Variants in SLCO1A2 observed in about 807,000 individuals in gnomAD.
SLCO1A2 encodes solute carrier organic anion transporter family member 1A2.
Under a neutral mutation model 69.0 loss-of-function variants are expected in SLCO1A2, and 67 were observed. That is an observed-to-expected ratio of 0.97 (90% CI 0.80 to 1.19). SLCO1A2 has a LOEUF of 1.19. Among genes scored for constraint, SLCO1A2 ranks in the 50% most tolerant of loss-of-function variants. The pLI is 0.00. For missense variants in SLCO1A2, 787 were observed against 793.7 expected (o/e 0.99, Z 0.10); for synonymous variants, 260 against 265.9 (o/e 0.98, Z 0.22).
chr12:21,269,656 T>G lies in SLCO1A2; in HGVS notation c.1905A>C (p.Ser635=), dbSNP rs1942431817. 6.2e-7 allele frequency: 1 copy of G among 1,612,782 alleles called. No individual in the cohort carries two copies. The highest frequency in any genetic ancestry group is 1.7e-4 in the Middle Eastern group (1 of 6,052). ...CTTTTGTCTCTATAAGCTCTGTTCC[T>G]GAAGAGGCATTTTCACCAGGTAGAT... The part of the protein sequence containing the change: ...KCHLPGENAS[S]GTELIETKVK... The change falls in exon 15 of 15, where the codon TCA becomes TCC. Residue 635 remains serine, a synonymous_variant. Transcript: ENST00000683939.
chr12:21,342,305 G>A (rs952898211), intron 2 of SLCO1A2, among the ~76,000 whole-genome samples: 3 of 151,930 alleles, frequency 2.0e-5, no homozygotes, highest in African/African-American at 7.3e-5. Flanking sequence ...TGAAAAAAGA[G>A]TAATAGGATG....
At chr12:21,286,318 C>T (rs1308612883) in intron 12 of SLCO1A2, among the ~76,000 whole-genome samples, 1 of 148,720 alleles carries the variant, frequency 6.7e-6, no homozygotes, top group African/African-American at 2.5e-5. Context: ...TGAAGGACCT[C>T]TTTGAGGAGA....
chr12:21,307,858 A>T (rs1334353203), intron 4 of SLCO1A2, among the ~76,000 whole-genome samples: 1 of 152,152 alleles, frequency 6.6e-6, no homozygotes, highest in South Asian at 2.1e-4. Flanking sequence ...GTGCTATAGG[A>T]TATAATAAAA....
intron 3 of SLCO1A2, among the ~76,000 whole-genome samples, chr12:21,317,431 A>G (rs1160331056): frequency 1.3e-5 from 2 of 152,166 alleles, no homozygotes; most frequent in African/African-American, 4.8e-5. Context: ...TTCTTCTCCT[A>G]GAAAATTTTA....
intron 14 of SLCO1A2, among the ~76,000 whole-genome samples, chr12:21,273,530 A>T (rs543046101): frequency 6.6e-6 from 1 of 152,190 alleles, no homozygotes; most frequent in African/African-American, 2.4e-5. Context: ...TCTGACTAAC[A>T]GAGAATGGAG....
chr12:21,376,948 G>C (rs34996992), intron 1 of SLCO1A2, among the ~76,000 whole-genome samples: 29,956 of 152,024 alleles, frequency 0.2, 3,143 homozygotes, highest in African/African-American at 0.27. Context: ...CAAAGAGGAA[G>C]CAATGTTATT....
At chr12:21,404,704 C>T (rs1257650361) in intron 1 of SLCO1A2, among the ~76,000 whole-genome samples, 1 of 152,146 alleles carries the variant, frequency 6.6e-6, no homozygotes, top group African/African-American at 2.4e-5. Flanking sequence ...CACACACATG[C>T]ATATATCTTT....
chr12:21,346,927 T>C (rs1309802916), intron 2 of SLCO1A2, among the ~76,000 whole-genome samples: 1 of 151,908 alleles, frequency 6.6e-6, no homozygotes, highest in Non-Finnish European at 1.5e-5. Flanking sequence ...TTGTGAAAGC[T>C]CTTAGTAACA....
chr12:21,352,808 T>C (rs1028622454), intron 2 of SLCO1A2, among the ~76,000 whole-genome samples: 7 of 152,222 alleles, frequency 4.6e-5, no homozygotes, highest in African/African-American at 1.2e-4. Context: ...GTTTGGTTGA[T>C]TGTTCTTGTA....
At chr12:21,272,537 C>T (rs1315577472) in intron 14 of SLCO1A2, among the ~76,000 whole-genome samples, 4 of 151,678 alleles carry the variant, frequency 2.6e-5, no homozygotes, top group African/African-American at 9.7e-5. Flanking sequence ...CTGGTTAACC[C>T]TATTAATTTT....
intron 2 of SLCO1A2, among the ~76,000 whole-genome samples, chr12:21,341,975 G>A (rs900794637): frequency 6.6e-6 from 1 of 151,976 alleles, no homozygotes; most frequent in Non-Finnish European, 1.5e-5. Context: ...ATGAGCATGT[G>A]CATATGACTC....
At chr12:21,313,298 T>C (rs11830367) in intron 4 of SLCO1A2, among the ~76,000 whole-genome samples, 2,802 of 152,338 alleles carry the variant, frequency 0.018, 91 homozygotes, top group African/African-American at 0.063. Flanking sequence ...ATCTTCAACG[T>C]AGGGTTGCAA....
intron 2 of SLCO1A2, among the ~76,000 whole-genome samples, chr12:21,332,308 T>C (rs1952666813): frequency 1.3e-5 from 2 of 152,120 alleles, no homozygotes; most frequent in Admixed American, 1.3e-4. Context: ...TGATTGGCAA[T>C]TGGTTGGAAG....
At chr12:21,401,844 C>T (rs1288806862) in intron 1 of SLCO1A2, among the ~76,000 whole-genome samples, 4 of 151,250 alleles carry the variant, frequency 2.6e-5, no homozygotes, top group Admixed American at 1.3e-4. Flanking sequence ...ATAACTGTAT[C>T]CAATATAAAT....
At chr12:21,386,720 T>C (rs1940900090) in intron 1 of SLCO1A2, among the ~76,000 whole-genome samples, 1 of 151,980 alleles carries the variant, frequency 6.6e-6, no homozygotes, top group Non-Finnish European at 1.5e-5. Flanking sequence ...ACTAAAGCAG[T>C]AAATTGGTAC....
intron 2 of SLCO1A2, among the ~76,000 whole-genome samples, chr12:21,347,592 C>A (rs1953299741): frequency 6.6e-6 from 1 of 150,970 alleles, no homozygotes; most frequent in African/African-American, 2.4e-5. Flanking sequence ...TTGCAGTGAG[C>A]GGATATCGTG....
intron 2 of SLCO1A2, among the ~76,000 whole-genome samples, chr12:21,349,659 C>G (rs867576896): frequency 3.5e-4 from 53 of 152,314 alleles, no homozygotes; most frequent in African/African-American, 1.2e-3. Flanking sequence ...ACCTCTCAAA[C>G]TTCATTTTGA....
rs571199730 is a variant in SLCO1A2, at chr12:21,274,414, G to C, written c.1793+55C>G. ...GAAAAAGTTACGTGTGAATGGTGCTGCGTTATGCACAGTCTATGCTTATAA... is the reference window on the plus strand; with the variant it reads ...GAAAAAGTTACGTGTGAATGGTGCTCCGTTATGCACAGTCTATGCTTATAA... On this transcript the variant is annotated intron_variant, in intron 14 of 14. Coordinates refer to ENST00000683939, the MANE Select transcript of SLCO1A2 (RefSeq NM_001386879.1). 1.5e-5 allele frequency: 17 copies of C among 1,156,728 alleles called. No individual in the cohort carries two copies. The African/African-American group carries it at 2.4e-4, about 17-fold the overall frequency. 71.7% of individuals were successfully genotyped at this position (1,156,728 alleles called of 1,614,324 possible). A position where few individuals can be genotyped will look rare whatever the true frequency, so the allele number is the denominator to read the frequency against.
chr12:21,403,329 A>G (rs1941767089), intron 1 of SLCO1A2: 1 of 152,198 alleles, frequency 6.6e-6, no homozygotes, highest in African/African-American at 2.4e-5. Flanking sequence ...TCTTATACTT[A>G]TAACTAAGCA....
Sources: allele counts gnomAD v4.1 joint callset (sites outside exome capture counted in the v4.1 genomes callset), GRCh38; gene constraint gnomAD v4.1.1; transcripts MANE v1.5; gene names NCBI Gene and HGNC (gene_info 2026-07-23, HGNC 2026-07-21).